EGF: variants seen among roughly 807,000 people sequenced by gnomAD.
EGF encodes pro-epidermal growth factor.
In EGF, 95 loss-of-function variants were observed where a neutral mutation model predicts 143.8. The observed-to-expected ratio is 0.66, with a 90% CI of 0.56 to 0.78. The LOEUF (loss-of-function observed/expected upper bound fraction) is 0.78. Among genes scored for constraint, EGF ranks in the 30% least tolerant of loss-of-function variants. EGF has a pLI of 0.00. For synonymous variants in EGF, 510 were observed against 510.5 expected (o/e 1.00, Z 0.01); for missense variants, 1,320 against 1,470.9 (o/e 0.90, Z 1.68).
chr4:109,946,673 TTTTG>T (rs1742917805), intron 5 of EGF, among the ~76,000 whole-genome samples: 1 of 152,198 alleles, frequency 6.6e-6, no homozygotes, highest in South Asian at 2.1e-4. Flanking sequence ...ACCATGTCTA[TTTTG>T]TTTGTTTTTT....
At chr4:110,003,761 AC>A (rs566794605) in intron 21 of EGF, among the ~76,000 whole-genome samples, 65 of 150,992 alleles carry the variant, frequency 4.3e-4, no homozygotes, top group African/African-American at 1.4e-3. Context: ...ACAAGACAGT[AC>A]TCTAAAAAAC....
At position 110,011,623 on chromosome 4, in the gene EGF, T is replaced by A; in HGVS notation, c.*168T>A. 1 of 1,062,970 alleles carries A rather than the reference T, an allele frequency of 9.4e-7. No homozygotes were observed. Among genetic ancestry groups the A allele is most frequent in the Non-Finnish European group, 1.3e-6 (1 of 742,664 alleles). The allele number at this position is 1,062,970 out of a possible 1,614,324, so 65.8% of individuals were successfully genotyped here. On this transcript the variant is annotated 3_prime_UTR_variant, in exon 24 of 24. Transcript: ENST00000265171. Reference sequence around the variant, plus strand: ...GTAGTTGTGCTTTTGTTTGCTCTTTTAAGCAGTCTCACTGCAGTCTTATTT... The same window carrying A: ...GTAGTTGTGCTTTTGTTTGCTCTTTAAAGCAGTCTCACTGCAGTCTTATTT...
chr4:109,945,579 C>CGAAA (rs34678383), intron 5 of EGF, among the ~76,000 whole-genome samples: 1,821 of 151,038 alleles, frequency 0.012, 29 homozygotes, highest in African/African-American at 0.042. Flanking sequence ...TCTACAAAAA[C>CGAAA]GAAAGAAAGA....
At chr4:109,947,843 A>G (rs1321548806) in intron 5 of EGF, among the ~76,000 whole-genome samples, 1 of 152,220 alleles carries the variant, frequency 6.6e-6, no homozygotes, top group African/African-American at 2.4e-5. Flanking sequence ...GGTTTGTCAC[A>G]GCAATGTTGT....
intron 2 of EGF, 138 bp downstream of exon 2, chr4:109,941,283 T>A: frequency 1.3e-6 from 1 of 771,276 alleles, no homozygotes; most frequent in Non-Finnish European, 2.2e-6. Context: ...GGCATTTATT[T>A]AATCTACATC....
intron 1 of EGF, among the ~76,000 whole-genome samples, chr4:109,929,483 C>T (rs1265539363): frequency 6.6e-6 from 1 of 152,114 alleles, no homozygotes; most frequent in Admixed American, 6.5e-5. Flanking sequence ...TGGAATAGCA[C>T]ATTAAAGACT....
At position 109,962,049 on chromosome 4, in the gene EGF, T is replaced by A. The variant is rs988958495; in HGVS notation, c.1312+64T>A. The A allele has an allele frequency of 5.7e-5, 92 of 1,604,992 alleles. No individual in the cohort carries two copies. In the Admixed American group the frequency reaches 5.9e-4, roughly 10 times the overall value. On this transcript the variant is annotated intron_variant, in intron 8 of 23. Coordinates refer to ENST00000265171, the MANE Select transcript of EGF (RefSeq NM_001963.6). ...AAACATACATTTGCTCAGTGACATC[T>A]AAAAATTGATCTTGTTGTCAAGGAA...
Position 109,969,058 on chromosome 4 carries a change from G to C in EGF, c.1663G>C (p.Asp555His). Residue 555 changes from aspartate to histidine, a missense_variant, in exon 11 of 24, where the codon GAT (aspartate) becomes CAT (histidine). By Grantham distance (81) the Asp-to-His change is moderately conservative (BLOSUM62 -1). Coordinates refer to ENST00000265171, the MANE Select transcript of EGF (RefSeq NM_001963.6). ...QRERLIEEGV[D>H]VPEGLAVDWI... Reference sequence around the variant, plus strand: ...AGAAAGGCTTATTGAGGAAGGAGTAGATGTGCCAGAAGGTCTTGCTGTGGA... The same window carrying C: ...AGAAAGGCTTATTGAGGAAGGAGTACATGTGCCAGAAGGTCTTGCTGTGGA... 1 of 1,614,214 alleles carries C rather than the reference G, an allele frequency of 6.2e-7. No homozygotes were observed. Among genetic ancestry groups the C allele is most frequent in the Non-Finnish European group, 8.5e-7 (1 of 1,180,040 alleles).
At chr4:109,980,703 T>C (rs1298045814) in intron 14 of EGF, 123 bp from the exon 15 acceptor site, 1 of 1,077,892 alleles carries the variant, frequency 9.3e-7, no homozygotes, top group Non-Finnish European at 1.4e-6. Context: ...TACCCTCTAT[T>C]TAGATACACT....
chr4:110,002,225 G>T (rs1373123332), intron 21 of EGF, among the ~76,000 whole-genome samples: 2 of 152,122 alleles, frequency 1.3e-5, no homozygotes, highest in Non-Finnish European at 2.9e-5. Flanking sequence ...GGGTGTGGTG[G>T]CTCGTGTCTA....
chr4:109,970,824 C>CAAAAAAAAA (rs371512157), intron 11 of EGF, among the ~76,000 whole-genome samples: 2,316 of 72,778 alleles, frequency 0.032, 256 homozygotes, highest in East Asian at 0.18. Context: ...GACTCCGTCT[C>CAAAAAAAAA]AAAAAAAAAA....
At chr4:109,971,635 T>A (rs1281566589) in intron 11 of EGF, among the ~76,000 whole-genome samples, 1 of 152,168 alleles carries the variant, frequency 6.6e-6, no homozygotes, top group African/African-American at 2.4e-5. Context: ...GCTTCAGTAA[T>A]AACAAGCCCT....
rs1475509200 is a variant in EGF at position 110,013,701 on chromosome 4, C to T, written c.*2246C>T. On this transcript the variant is annotated 3_prime_UTR_variant, in exon 24 of 24. Coordinates refer to ENST00000265171, the MANE Select transcript of EGF (RefSeq NM_001963.6). ...GAGCTTCTGTTTGACTAAATATCAC[C>T]TACTATGTAAAAAATGAGCATATTG... Among the ~76,000 whole-genome samples the T allele has an allele frequency of 6.6e-6, 1 of 152,016 alleles. No homozygotes were observed. The highest frequency in any genetic ancestry group is 1.9e-4 in the East Asian group (1 of 5,176).
At chr4:109,970,207 T>C (rs967154322) in intron 11 of EGF, among the ~76,000 whole-genome samples, 2 of 152,122 alleles carry the variant, frequency 1.3e-5, no homozygotes, top group African/African-American at 2.4e-5. Flanking sequence ...AGGAAGGAAA[T>C]GGCTGTATCC....
chr4:109,993,232 TGTC>T lies in EGF; in HGVS notation c.2735-14_2735-12del. ...TACCCCACTTTTCTCTCCCGTACTC[TGTC>T]TTTTCTGACAGATATTGATGAGTGC... On this transcript the variant is annotated splice_polypyrimidine_tract_variant and intron_variant, in intron 18 of 23. Transcript: ENST00000265171. 1 of 1,613,482 alleles carries T rather than the reference TGTC, an allele frequency of 6.2e-7. No individual in the cohort carries two copies. Among genetic ancestry groups the T allele is most frequent in the Non-Finnish European group, 8.5e-7 (1 of 1,179,832 alleles).
chr4:109,946,350 C>T (rs1742863174), intron 5 of EGF, among the ~76,000 whole-genome samples: 1 of 152,218 alleles, frequency 6.6e-6, no homozygotes, highest in African/African-American at 2.4e-5. Flanking sequence ...GACCAACCTG[C>T]TCTAGTGATC....
chr4:109,988,034 TA>T (rs1750400344), intron 17 of EGF, among the ~76,000 whole-genome samples, 174 bp downstream of exon 17: 1 of 152,142 alleles, frequency 6.6e-6, no homozygotes, highest in South Asian at 2.1e-4. Flanking sequence ...ATGAGACATA[TA>T]AATATATTTA....
chr4:109,955,341 T>C (rs533174544), intron 5 of EGF, among the ~76,000 whole-genome samples: 2 of 152,190 alleles, frequency 1.3e-5, no homozygotes, highest in African/African-American at 4.8e-5. Context: ...GAGTGTTCTC[T>C]GAGGTCAGCA....
intron 13 of EGF, among the ~76,000 whole-genome samples, chr4:109,979,378 G>C (rs1363646298): frequency 6.6e-6 from 1 of 152,028 alleles, no homozygotes; most frequent in Admixed American, 6.6e-5. Flanking sequence ...CCAGGCCCTA[G>C]AGAAGGCAGG....
Sources: allele counts gnomAD v4.1 joint callset (sites outside exome capture counted in the v4.1 genomes callset), GRCh38; gene constraint gnomAD v4.1.1; transcripts MANE v1.5; gene names NCBI Gene and HGNC (gene_info 2026-07-23, HGNC 2026-07-21).